FBXL17: variants seen among roughly 807,000 people sequenced by gnomAD.
FBXL17 encodes the protein F-box and leucine rich repeat protein 17, also known as F-box/LRR-repeat protein 17.
Under a neutral mutation model 66.2 loss-of-function variants are expected in FBXL17, and 22 were observed. The observed-to-expected ratio is 0.33, with a 90% CI of 0.24 to 0.47. The LOEUF is 0.47. Ranked by LOEUF, FBXL17 falls within the 20% of genes least tolerant of loss-of-function variation. The pLI, the probability that FBXL17 is intolerant of heterozygous loss-of-function variation, is 1.00. For synonymous variants in FBXL17, 474 were observed against 400.5 expected, an observed-to-expected ratio of 1.18 and a Z score of -2.19; for missense variants, 878 against 948.2, an observed-to-expected ratio of 0.93 and a Z score of 0.97.
chr5:108,317,089 C>T (rs1406875064), intron 4 of FBXL17, among the ~76,000 whole-genome samples: 1 of 151,250 alleles, frequency 6.6e-6, no homozygotes, highest in East Asian at 1.9e-4. Flanking sequence ...CAAATCCCAA[C>T]AGGTACTAAT....
intron 7 of FBXL17, among the ~76,000 whole-genome samples, chr5:107,961,305 G>A (rs1277891986): frequency 6.6e-6 from 1 of 151,324 alleles, no homozygotes; most frequent in Non-Finnish European, 1.5e-5. Flanking sequence ...GCTCACTGCA[G>A]CCTTGACCTC....
chr5:107,889,890 A>G (rs1749135507), intron 7 of FBXL17, among the ~76,000 whole-genome samples: 1 of 152,200 alleles, frequency 6.6e-6, no homozygotes, highest in Non-Finnish European at 1.5e-5. Context: ...AATGTCAAAA[A>G]CAAGGGGCAT....
At chr5:107,936,239 C>A (rs535105457) in intron 7 of FBXL17, among the ~76,000 whole-genome samples, 1 of 152,086 alleles carries the variant, frequency 6.6e-6, no homozygotes, top group East Asian at 1.9e-4. Context: ...ATTTTATAAT[C>A]TCTCATTAAG....
At position 107,861,444 on chromosome 5, in the gene FBXL17, TA is replaced by T; in HGVS notation, c.*275del. On this transcript the variant is annotated 3_prime_UTR_variant, in exon 9 of 9. Coordinates refer to ENST00000542267, the MANE Select transcript of FBXL17 (RefSeq NM_001163315.3). ...CAATTTTTTGACTCTATATTAAAAA[TA>T]ATTTTTTTTTAAAGAGAAAGAAGCC... 2 of 212,504 alleles carry T rather than the reference TA, an allele frequency of 9.4e-6. No homozygotes were observed. The highest frequency in any genetic ancestry group is 2.0e-4 in the South Asian group (1 of 4,976). The allele number at this position is 212,504 out of a possible 1,614,324, so 13.2% of individuals were successfully genotyped here. A position where few individuals can be genotyped will look rare whatever the true frequency, so the allele number is the denominator to read the frequency against.
chr5:108,098,971 C>T lies in FBXL17; in HGVS notation c.1746-77970G>A, dbSNP rs555778215. Among the ~76,000 whole-genome samples the T allele has an allele frequency of 2.0e-5, 3 of 152,092 alleles. No individual in the cohort carries two copies. In the East Asian group the frequency reaches 5.8e-4, roughly 29 times the overall value. On this transcript the variant is annotated intron_variant, in intron 6 of 8. Transcript: ENST00000542267. ...GATCAGTTACTTAGGCTCTGAATTGCTATATTCAAGAAAATACTAAAAGTA... is the reference window on the plus strand; with the variant it reads ...GATCAGTTACTTAGGCTCTGAATTGTTATATTCAAGAAAATACTAAAAGTA...
chr5:107,976,824 A>G (rs1011907724), intron 7 of FBXL17, among the ~76,000 whole-genome samples: 2 of 152,354 alleles, frequency 1.3e-5, no homozygotes, highest in African/African-American at 2.4e-5. Flanking sequence ...GTCTCAAGCC[A>G]TATAAGCTAG....
chr5:108,015,320 T>G (rs1419020593), intron 7 of FBXL17, among the ~76,000 whole-genome samples: 1 of 152,142 alleles, frequency 6.6e-6, no homozygotes, highest in Non-Finnish European at 1.5e-5. Flanking sequence ...AAAAAAAGTG[T>G]GAATAATCAA....
At chr5:108,348,845 C>T (rs1747457498) in intron 3 of FBXL17, among the ~76,000 whole-genome samples, 1 of 152,166 alleles carries the variant, frequency 6.6e-6, no homozygotes, top group South Asian at 2.1e-4. Flanking sequence ...CACTGTGTCG[C>T]CCAGGCTAGA....
Position 108,289,291 on chromosome 5 carries a change from A to C in FBXL17, c.1506+59108T>G, listed in dbSNP as rs1414268822. On this transcript the variant is annotated intron_variant, in intron 4 of 8. Transcript: ENST00000542267. ...TTTTCTATGATGAATATGTAAATTT[A>C]ATTCAAAAATGTTTTTCTAAAATGT... Among the ~76,000 whole-genome samples the C allele has an allele frequency of 2.6e-5, 4 of 152,262 alleles. No individual in the cohort carries two copies. In the East Asian group the frequency reaches 7.7e-4, roughly 29 times the overall value.
Position 108,274,749 on chromosome 5 carries a change from T to G in FBXL17, c.1507-50521A>C, listed in dbSNP as rs143151781. 2.8e-3 allele frequency among the ~76,000 whole-genome samples: 432 copies of G among 152,342 alleles called. 3 individuals are homozygous for G. The highest frequency in any genetic ancestry group is 9.6e-3 in the African/African-American group (400 of 41,568). On this transcript the variant is annotated intron_variant, in intron 4 of 8. Transcript: ENST00000542267. ...TATTAATTTGGGGAACTAATAAATG[T>G]CCATGAAATCTTCACAATCCACGTT...
At chr5:107,929,635 G>A (rs1054453965) in intron 7 of FBXL17, among the ~76,000 whole-genome samples, 1 of 152,080 alleles carries the variant, frequency 6.6e-6, no homozygotes, top group Non-Finnish European at 1.5e-5. Flanking sequence ...TGGAGTTGGA[G>A]TCAGATACCT....
intron 6 of FBXL17, among the ~76,000 whole-genome samples, chr5:108,086,341 C>CTT (rs1748969209): frequency 6.6e-6 from 1 of 152,142 alleles, no homozygotes; most frequent in African/African-American, 2.4e-5. Flanking sequence ...GTCCACCTAC[C>CTT]CTCTCATCTA....
At chr5:108,249,225 C>G (rs1344838832) in intron 4 of FBXL17, among the ~76,000 whole-genome samples, 2 of 152,014 alleles carry the variant, frequency 1.3e-5, no homozygotes, top group Non-Finnish European at 2.9e-5. Flanking sequence ...CCCTCTGACC[C>G]TGCAACCACC....
intron 4 of FBXL17, among the ~76,000 whole-genome samples, chr5:108,335,230 C>T (rs554687182): frequency 2.4e-5 from 3 of 124,726 alleles, no homozygotes; most frequent in East Asian, 2.2e-4. Context: ...CACTCCCCCA[C>T]CCCCCCCCAA....
At chr5:108,349,213 T>G (rs567471501) in intron 3 of FBXL17, among the ~76,000 whole-genome samples, 1 of 152,304 alleles carries the variant, frequency 6.6e-6, no homozygotes, top group Non-Finnish European at 1.5e-5. Flanking sequence ...GAAGAAACAT[T>G]TGACAAAAAT....
intron 7 of FBXL17, among the ~76,000 whole-genome samples, chr5:107,884,562 T>A (rs1357036213): frequency 6.6e-6 from 1 of 152,216 alleles, no homozygotes; most frequent in Non-Finnish European, 1.5e-5. Flanking sequence ...AACCTTTTGA[T>A]TCCAAAATAT....
intron 4 of FBXL17, among the ~76,000 whole-genome samples, chr5:108,273,279 T>C (rs936012519): frequency 6.6e-6 from 1 of 152,036 alleles, no homozygotes; most frequent in Non-Finnish European, 1.5e-5. Flanking sequence ...GCATGGCACA[T>C]GTATACATAT....
intron 7 of FBXL17, among the ~76,000 whole-genome samples, chr5:107,977,750 T>G (rs563318394): frequency 6.6e-6 from 1 of 152,340 alleles, no homozygotes; most frequent in Non-Finnish European, 1.5e-5. Context: ...CATCAGATAA[T>G]GACTAGATAA....
At chr5:108,373,349 TA>T (rs1479502856) in intron 1 of FBXL17, among the ~76,000 whole-genome samples, 2 of 103,456 alleles carry the variant, frequency 1.9e-5, no homozygotes, top group African/African-American at 7.4e-5. Flanking sequence ...AAATATAATA[TA>T]TCTAAATATA....
Sources: allele counts gnomAD v4.1 joint callset (sites outside exome capture counted in the v4.1 genomes callset), GRCh38; gene constraint gnomAD v4.1.1; transcripts MANE v1.5; gene names NCBI Gene and HGNC (gene_info 2026-07-23, HGNC 2026-07-21).